The following FAHD2A variants were observed in gnomAD, a reference collection of about 807,000 sequenced individuals.
FAHD2A encodes the protein oxaloacetate tautomerase FAHD2A, mitochondrial.
In FAHD2A, 27 loss-of-function variants were observed where a neutral mutation model predicts 33.4. The ratio of observed to expected loss-of-function variants is 0.81; its 90% CI spans 0.60 to 1.11. The LOEUF is 1.11. Among genes scored for constraint, FAHD2A ranks in the 50% most tolerant of loss-of-function variants. The pLI is 0.00. For missense variants in FAHD2A, 296 were observed against 395.0 expected (o/e 0.75, Z 2.12); for synonymous variants, 130 against 153.3 (o/e 0.85, Z 1.12).
chr2:95,409,710 C>T (rs1338093367), intron 3 of FAHD2A, among the ~76,000 whole-genome samples: 2 of 152,224 alleles, frequency 1.3e-5, no homozygotes, highest in African/African-American at 4.8e-5. Context: ...TTCAATATCA[C>T]TGTGAATTCT....
At chr2:95,406,810 C>T in intron 2 of FAHD2A, 131 bp from the exon 3 acceptor site, 4 of 1,449,114 alleles carry the variant, frequency 2.8e-6, no homozygotes, top group Non-Finnish European at 3.7e-6. Flanking sequence ...CACACTGACT[C>T]TGATGGTTGA....
rs1171532286 is a variant in FAHD2A at position 95,405,587 on chromosome 2, TCA to T, written c.32_33del (p.Thr11SerfsTer48). 1.2e-6 allele frequency: 2 copies of T among 1,613,544 alleles called. No individual in the cohort carries two copies. Among genetic ancestry groups the T allele is most frequent in the African/African-American group, 1.3e-5 (1 of 74,926 alleles). On this transcript the variant is annotated frameshift_variant, in exon 2 of 8. Coordinates refer to ENST00000233379, the MANE Select transcript of FAHD2A (RefSeq NM_016044.3). LOFTEE classifies it high-confidence loss of function. Reference sequence around the variant, plus strand: ...CTGGTGTCTGGTAGAAGAAGGTTACTCACAGTTCTGCTGCAGGCTCAGAAGTG... The same window carrying T: ...CTGGTGTCTGGTAGAAGAAGGTTACTCAGTTCTGCTGCAGGCTCAGAAGTG...
chr2:95,405,498 C>T (rs1193190135), intron 1 of FAHD2A, 55 bp from the exon 2 acceptor site: 15 of 1,554,744 alleles, frequency 9.6e-6, no homozygotes, highest in South Asian at 1.2e-5. Flanking sequence ...TTTCAGGGAA[C>T]CTGATGATGG....
chr2:95,416,369 T>TA lies in FAHD2A; in HGVS notation c.*3413dup, dbSNP rs1318973063. 1 of 152,212 alleles carries TA rather than the reference T, an allele frequency of 6.6e-6. No individual in the cohort carries two copies. Among genetic ancestry groups the TA allele is most frequent in the East Asian group, 1.9e-4 (1 of 5,188 alleles). The allele number at this position is 152,212 out of a possible 1,614,324, so 9.4% of individuals were successfully genotyped here. On this transcript the variant is annotated 3_prime_UTR_variant, in exon 8 of 8. Transcript: ENST00000233379. ...GTTTCTCCGACTGATGAGACCTAGATATTGGGTACATGGAGGTCCCCGGTC... is the reference window on the plus strand; with the variant it reads ...GTTTCTCCGACTGATGAGACCTAGATAATTGGGTACATGGAGGTCCCCGGTC...
chr2:95,410,442 G>A (rs1475425416), intron 3 of FAHD2A, 85 bp from the exon 4 acceptor site: 10 of 1,524,862 alleles, frequency 6.6e-6, no homozygotes, highest in Non-Finnish European at 8.9e-6. Context: ...AAAGGTTGAG[G>A]CCCTTCAGCA....
rs756411149 is a variant in FAHD2A, at chr2:95,406,942, G to T, written c.247G>T (p.Ala83Ser). The T allele has an allele frequency of 6.2e-7, 1 of 1,611,836 alleles. No individual in the cohort carries two copies. The highest frequency in any genetic ancestry group is 2.2e-5 in the East Asian group (1 of 44,828). ...GEATLSVARR[A>S]LAAQLPVLPR... ...TCTCACCTGCTCTGGTCTCTACAGA[G>T]CCCTGGCTGCCCAGTTGCCAGTCCT... The change falls in exon 3 of 8, where the codon GCC (alanine) becomes TCC (serine). Residue 83 changes from alanine (A) to serine (S), a missense_variant and splice_region_variant. Coordinates refer to ENST00000233379, the MANE Select transcript of FAHD2A (RefSeq NM_016044.3).
In FAHD2A at chr2:95,412,477, G is replaced by A. The variant is rs1045346; in HGVS notation, c.729G>A (p.Val243=). 2 of 1,613,950 alleles carry A rather than the reference G, an allele frequency of 1.2e-6. No homozygotes were observed. The highest frequency in any genetic ancestry group is 1.7e-6 in the Non-Finnish European group (2 of 1,179,858). The change falls in exon 6 of 8, where the codon GTG becomes GTA. Residue 243 remains valine, a synonymous_variant. Coordinates refer to ENST00000233379, the MANE Select transcript of FAHD2A (RefSeq NM_016044.3). ...LKICCRVNGE[V]VQSGNTNQMV... The stretch of plus-strand genomic sequence containing the variant: ...TCTGCTGCCGAGTGAATGGGGAAGT[G>A]GTCCAGAGCGGCAACACCAACCAGA...
chr2:95,411,240 G>A (rs950435667), intron 5 of FAHD2A, among the ~76,000 whole-genome samples: 19 of 152,244 alleles, frequency 1.2e-4, no homozygotes, highest in African/African-American at 4.6e-4. Flanking sequence ...TGCAGAGGAT[G>A]TGAAACTGCA....
chr2:95,407,091 C>T lies in FAHD2A; in HGVS notation c.396C>T (p.Ile132=), dbSNP rs1456773026. The change falls in exon 3 of 8, where the codon ATC becomes ATT. Residue 132 remains isoleucine (I), a synonymous_variant. Transcript: ENST00000233379. ...QNVPVPKEPI[I]FSKFASSIVG... is the part of the protein sequence containing the mutation. ...TGCCCGTGCCCAAGGAGCCCATCAT[C>T]TTCAGCAAGTTTGCCAGCTCCATCG... 7 of 1,612,388 alleles carry T rather than the reference C, an allele frequency of 4.3e-6. No homozygotes were observed. The highest frequency in any genetic ancestry group is 5.9e-6 in the Non-Finnish European group (7 of 1,179,872).
In FAHD2A at chr2:95,413,728, C is replaced by T; in HGVS notation, c.*771C>T. On this transcript the variant is annotated 3_prime_UTR_variant, in exon 8 of 8. Transcript: ENST00000233379. The stretch of plus-strand genomic sequence containing the variant: ...CTGCCTCAAAGCAGCCCCAATACCC[C>T]ACCTAGAAGGATGAGCCAGTGATTT... The T allele has an allele frequency of 1.3e-6, 1 of 791,492 alleles. No homozygotes were observed. Among genetic ancestry groups the T allele is most frequent in the Admixed American group, 2.9e-5 (1 of 33,974 alleles). 49.0% of individuals were successfully genotyped at this position (791,492 alleles called of 1,614,324 possible).
At position 95,410,971 on chromosome 2, in the gene FAHD2A, C is replaced by T. The variant is rs60804719; in HGVS notation, c.630C>T (p.Thr210=). ...GGAAACAATGGCTGCTGGGAAAAAC[C>T]TTCGACACCTTCTGCCCTCTGGGCC... is the stretch of plus-strand genomic sequence containing the variant. ...RNGKQWLLGK[T]FDTFCPLGPA... Residue 210 remains threonine, a synonymous_variant, in exon 5 of 8, where the codon ACC becomes ACT. Coordinates refer to ENST00000233379, the MANE Select transcript of FAHD2A (RefSeq NM_016044.3). The T allele has an allele frequency of 1.2e-3, 1,916 of 1,613,996 alleles. 23 individuals carry two copies. The African/African-American group carries it at 0.023, about 19-fold the overall frequency.
Position 95,414,172 on chromosome 2 carries a change from ACTGTCCGGCAGGGGG to A in FAHD2A, c.*1217_*1231del, listed in dbSNP as rs1265889976. The A allele has an allele frequency of 6.4e-7, 1 of 1,573,410 alleles. No individual in the cohort carries two copies. The highest frequency in any genetic ancestry group is 1.4e-5 in the African/African-American group (1 of 73,438). On this transcript the variant is annotated 3_prime_UTR_variant, in exon 8 of 8. Coordinates refer to ENST00000233379, the MANE Select transcript of FAHD2A (RefSeq NM_016044.3). ...CCCGCCTTCCTAGAGTTGGGTTGTC[ACTGTCCGGCAGGGGG>A]CAGCAGCCACCAGCAAACACCACTG...
intron 2 of FAHD2A, among the ~76,000 whole-genome samples, chr2:95,406,148 C>T (rs1681519160): frequency 7.7e-6 from 1 of 129,444 alleles, no homozygotes; most frequent in South Asian, 3.0e-4. Flanking sequence ...GCATCTTATG[C>T]AGCTGGGGGA....
Position 95,405,796 on chromosome 2 carries a change from G to T in FAHD2A, c.238G>T (p.Ala80Ser), listed in dbSNP as rs1681437572. 6.2e-7 allele frequency: 1 copy of T among 1,611,448 alleles called. No individual in the cohort carries two copies. The highest frequency in any genetic ancestry group is 8.5e-7 in the Non-Finnish European group (1 of 1,179,038). ...GCAGGGAGAGGCCACCCTCTCAGTGGCAAGAAGGTAAGTAAGTGGGCAGCA... is the reference window on the plus strand; with the variant it reads ...GCAGGGAGAGGCCACCCTCTCAGTGTCAAGAAGGTAAGTAAGTGGGCAGCA... ...LEQGEATLSVARRALAAQLPV... is the reference protein window; with the variant it reads ...LEQGEATLSVSRRALAAQLPV... The change falls in exon 2 of 8, where the codon GCA becomes TCA. Residue 80 changes from alanine to serine, a missense_variant. By Grantham distance (99) the Ala-to-Ser change is moderately conservative (BLOSUM62 1). Coordinates refer to ENST00000233379, the MANE Select transcript of FAHD2A (RefSeq NM_016044.3).
rs147386324 is a variant in FAHD2A at position 95,405,562 on chromosome 2, C to G, written c.4C>G (p.Leu2Val). 1.6e-4 allele frequency: 262 copies of G among 1,610,752 alleles called. No homozygotes were observed. The highest frequency in any genetic ancestry group is 7.3e-4 in the Admixed American group (44 of 59,872). ...GCATTTTTCTCTGCAGGCTCTGATG[C>G]TGGTGTCTGGTAGAAGAAGGTTACT... Reference protein sequence around the residue: MLVSGRRRLLTV... With the variant: MVVSGRRRLLTV... The change falls in exon 2 of 8, where the codon CTG becomes GTG. Residue 2 changes from leucine to valine, a missense_variant. Transcript: ENST00000233379.
In FAHD2A at chr2:95,413,117, C is replaced by G; in HGVS notation, c.*160C>G. 8.4e-7 allele frequency: 1 copy of G among 1,192,502 alleles called. No individual in the cohort carries two copies. The highest frequency in any genetic ancestry group is 1.5e-5 in the South Asian group (1 of 65,454). 73.9% of individuals were successfully genotyped at this position (1,192,502 alleles called of 1,614,324 possible). On this transcript the variant is annotated 3_prime_UTR_variant, in exon 8 of 8. Transcript: ENST00000233379. ...ACAGAGCTCTCTTCAATAAATTCGTCAGGTCAAAGCAGCAGCTTTGCTTCT... is the reference window on the plus strand; with the variant it reads ...ACAGAGCTCTCTTCAATAAATTCGTGAGGTCAAAGCAGCAGCTTTGCTTCT...
At chr2:95,404,816 T>C (rs1185517017) in intron 1 of FAHD2A, among the ~76,000 whole-genome samples, 1 of 152,142 alleles carries the variant, frequency 6.6e-6, no homozygotes, top group African/African-American at 2.4e-5. Flanking sequence ...CCAGACCCTG[T>C]TGTTTGTCTG....
Position 95,413,550 on chromosome 2 carries a change from C to T in FAHD2A, c.*593C>T, listed in dbSNP as rs1682863867. ...GGTGGAGCCTGGGGCCTGCAGGGCT[C>T]GGCGTCTGCTGCAGAACCTGGGCCA... On this transcript the variant is annotated 3_prime_UTR_variant, in exon 8 of 8. Transcript: ENST00000233379. 6.9e-6 allele frequency: 11 copies of T among 1,587,090 alleles called. No individual in the cohort carries two copies. Among genetic ancestry groups the T allele is most frequent in the Middle Eastern group, 2.2e-4 (1 of 4,574 alleles).
At chr2:95,403,886 A>G (rs1681110085) in intron 1 of FAHD2A, among the ~76,000 whole-genome samples, 1 of 152,242 alleles carries the variant, frequency 6.6e-6, no homozygotes, top group African/African-American at 2.4e-5. Context: ...AGTTACTGTT[A>G]TGTTAGCATG....
Sources: allele counts gnomAD v4.1 joint callset (sites outside exome capture counted in the v4.1 genomes callset), GRCh38; gene constraint gnomAD v4.1.1; transcripts MANE v1.5; gene names NCBI Gene and HGNC (gene_info 2026-07-23, HGNC 2026-07-21).